Variants in NCOA1 observed in about 807,000 individuals in gnomAD.
The protein encoded by NCOA1 is nuclear receptor coactivator 1.
A neutral mutation model predicts 150.9 loss-of-function variants in NCOA1; 35 were observed. The ratio of observed to expected loss-of-function variants is 0.23; its 90% CI spans 0.18 to 0.31. NCOA1 has a LOEUF of 0.31. Among genes scored for constraint, NCOA1 ranks in the 10% least tolerant of loss-of-function variants. The probability of loss-of-function intolerance (pLI) is 1.00; values close to 1 mark genes in which losing one functional copy is unlikely to be tolerated. For missense variants in NCOA1, 1,491 were observed against 1,749.3 expected (o/e 0.85, Z 2.63); for synonymous variants, 590 against 630.0 (o/e 0.94, Z 0.95).
In NCOA1 at chr2:24,656,470, C is replaced by T. The variant is rs190909130; in HGVS notation, c.-17-2191C>T. On this transcript the variant is annotated intron_variant, in intron 4 of 22. Coordinates refer to ENST00000348332, the MANE Select transcript of NCOA1 (RefSeq NM_003743.5). ...ACGTCAATCATTTTTCATTTCTTCGCATTGGGAACATTCAAAATCTACTCT... is the reference window on the plus strand; with the variant it reads ...ACGTCAATCATTTTTCATTTCTTCGTATTGGGAACATTCAAAATCTACTCT... Among the ~76,000 whole-genome samples the T allele has an allele frequency of 1.8e-3, 276 of 152,198 alleles. 2 individuals are homozygous for T. Among genetic ancestry groups the T allele is most frequent in the African/African-American group, 6.4e-3 (267 of 41,534 alleles).
At chr2:24,509,626 T>C (rs1014243692) in intron 1 of NCOA1, among the ~76,000 whole-genome samples, 31 of 152,174 alleles carry the variant, frequency 2.0e-4, no homozygotes, top group African/African-American at 6.5e-4. Flanking sequence ...CTTGTTAAAA[T>C]TGAGAGTGAT....
At chr2:24,566,965 G>A (rs1666000824) in intron 2 of NCOA1, among the ~76,000 whole-genome samples, 1 of 152,204 alleles carries the variant, frequency 6.6e-6, no homozygotes, top group Admixed American at 6.5e-5. Context: ...TGGATGGGCA[G>A]TTGCAGCTGC....
At chr2:24,535,685 A>G (rs1256268720) in intron 1 of NCOA1, among the ~76,000 whole-genome samples, 3 of 152,144 alleles carry the variant, frequency 2.0e-5, no homozygotes, top group Admixed American at 2.0e-4. Flanking sequence ...TCTGGAAAGA[A>G]TTTTATTTTT....
At chr2:24,639,954 A>G (rs1301820649) in intron 3 of NCOA1, among the ~76,000 whole-genome samples, 23 of 124,378 alleles carry the variant, frequency 1.8e-4, no homozygotes, top group Middle Eastern at 4.0e-3. Context: ...ATATATATAT[A>G]TATATATATA....
At chr2:24,498,873 G>T (rs1219907077) in intron 1 of NCOA1, among the ~76,000 whole-genome samples, 1 of 151,840 alleles carries the variant, frequency 6.6e-6, no homozygotes, top group African/African-American at 2.4e-5. Flanking sequence ...TTTTTGAAAT[G>T]ATTCCATATG....
chr2:24,518,738 C>G (rs570383467), intron 1 of NCOA1, among the ~76,000 whole-genome samples: 64 of 152,190 alleles, frequency 4.2e-4, no homozygotes, highest in South Asian at 2.3e-3. Context: ...ACATCGAGCA[C>G]TATGAAGTAC....
At chr2:24,697,834 T>C in intron 11 of NCOA1, 36 bp downstream of exon 11, 1 of 1,568,894 alleles carries the variant, frequency 6.4e-7, no homozygotes, top group Non-Finnish European at 8.7e-7. Context: ...TCATTAACCC[T>C]TATCTTTACT....
At chr2:24,550,405 A>G (rs1344846996) in intron 1 of NCOA1, among the ~76,000 whole-genome samples, 1 of 152,220 alleles carries the variant, frequency 6.6e-6, no homozygotes, top group African/African-American at 2.4e-5. Context: ...AGACCTCACA[A>G]TTATGGCAGA....
intron 13 of NCOA1, among the ~76,000 whole-genome samples, chr2:24,710,069 T>TTTTTATTTTA (rs200816186): frequency 6.6e-5 from 10 of 151,558 alleles, no homozygotes; most frequent in East Asian, 1.9e-4. Context: ...TATTTATTCT[T>TTTTTATTTTA]TTTTATTTTA....
At chr2:24,520,484 C>T (rs1164944883) in intron 1 of NCOA1, among the ~76,000 whole-genome samples, 1 of 152,066 alleles carries the variant, frequency 6.6e-6, no homozygotes, top group Non-Finnish European at 1.5e-5. Flanking sequence ...GTTAAAGCTG[C>T]CAACCAAAAA....
At chr2:24,660,964 G>A (rs1671159173) in intron 5 of NCOA1, among the ~76,000 whole-genome samples, 1 of 152,082 alleles carries the variant, frequency 6.6e-6, no homozygotes, top group African/African-American at 2.4e-5. Context: ...AGAAGGCTGA[G>A]GCAGGAGAAT....
At chr2:24,604,870 G>T (rs1012207590) in intron 3 of NCOA1, among the ~76,000 whole-genome samples, 9 of 152,166 alleles carry the variant, frequency 5.9e-5, no homozygotes, top group African/African-American at 2.2e-4. Context: ...CTTGGCTTTT[G>T]ACATGCCTTT....
At chr2:24,572,492 A>C (rs1310835828) in intron 2 of NCOA1, among the ~76,000 whole-genome samples, 1 of 152,218 alleles carries the variant, frequency 6.6e-6, no homozygotes, top group East Asian at 1.9e-4. Context: ...CAATTCATGA[A>C]AGGAGGCACA....
chr2:24,715,172 A>G (rs1673959306), intron 14 of NCOA1, among the ~76,000 whole-genome samples: 1 of 152,202 alleles, frequency 6.6e-6, no homozygotes, highest in South Asian at 2.1e-4. Flanking sequence ...GCTAAAATAA[A>G]ATGAATCCAG....
intron 8 of NCOA1, among the ~76,000 whole-genome samples, chr2:24,688,013 T>C (rs962058973): frequency 6.6e-6 from 1 of 152,198 alleles, no homozygotes; most frequent in South Asian, 2.1e-4. Context: ...GTGTTTGGTT[T>C]TCTGTTCCTG....
intron 20 of NCOA1, among the ~76,000 whole-genome samples, chr2:24,753,493 T>C (rs115601244): frequency 5.4e-4 from 83 of 152,348 alleles, no homozygotes; most frequent in African/African-American, 1.9e-3. Flanking sequence ...GTTGAACTAA[T>C]CAGGCTTTCA....
chr2:24,627,030 T>C (rs1023065773), intron 3 of NCOA1, among the ~76,000 whole-genome samples: 2 of 151,858 alleles, frequency 1.3e-5, no homozygotes, highest in Non-Finnish European at 2.9e-5. Context: ...TACTGAGGTA[T>C]ACTGAGTAAA....
chr2:24,533,314 T>G (rs537389010), intron 1 of NCOA1, among the ~76,000 whole-genome samples: 62 of 152,360 alleles, frequency 4.1e-4, no homozygotes, highest in Non-Finnish European at 8.4e-4. Flanking sequence ...CTGAGACTGC[T>G]GAAGTTGCTT....
At chr2:24,577,154 GTGTT>G (rs1667022612) in intron 2 of NCOA1, among the ~76,000 whole-genome samples, 1 of 151,952 alleles carries the variant, frequency 6.6e-6, no homozygotes, top group Non-Finnish European at 1.5e-5. Flanking sequence ...GCTCTTCAAA[GTGTT>G]TGACCTTCAT....
Sources: gnomAD v4.1 joint callset for allele counts (sites outside exome capture counted in the v4.1 genomes callset) on GRCh38, gnomAD v4.1.1 for gene constraint, MANE v1.5 for transcripts, NCBI Gene and HGNC (gene_info 2026-07-23, HGNC 2026-07-21) for gene names.